The following ARHGAP6 variants were observed in gnomAD, a reference collection of about 807,000 sequenced individuals.
The protein encoded by ARHGAP6 is rho GTPase-activating protein 6.
Under a neutral mutation model 55.7 loss-of-function variants are expected in ARHGAP6, and 16 were observed. That is an observed-to-expected ratio of 0.29 (90% CI 0.19 to 0.44). ARHGAP6 has a LOEUF of 0.44. ARHGAP6 is among the 20% of genes least tolerant of loss of function. The pLI is 1.00. For synonymous variants in ARHGAP6, 382 were observed against 360.9 expected (o/e 1.06, Z -0.66); for missense variants, 698 against 808.9 (o/e 0.86, Z 1.66).
At chrX:11,281,741 G>A (rs1373714260) in intron 1 of ARHGAP6, among the ~76,000 whole-genome samples, 3 of 111,700 alleles carry the variant, frequency 2.7e-5, no homozygotes, top group Non-Finnish European at 5.6e-5. Context: ...ACTGGAGGAT[G>A]GGATTTGTGG....
At chrX:11,475,772 A>G (rs1184286209) in intron 1 of ARHGAP6, among the ~76,000 whole-genome samples, 1 of 109,086 alleles carries the variant, frequency 9.2e-6, no homozygotes, top group African/African-American at 3.3e-5. Context: ...TGCTCATGAA[A>G]AGACATCATT....
At chrX:11,233,184 G>C (rs1288970302) in intron 2 of ARHGAP6, among the ~76,000 whole-genome samples, 2 of 112,265 alleles carry the variant, frequency 1.8e-5, no homozygotes, top group Non-Finnish European at 3.8e-5. Flanking sequence ...TAATTAACCA[G>C]TTAAATCTCT....
intron 1 of ARHGAP6, among the ~76,000 whole-genome samples, chrX:11,643,188 T>G (rs2052493065): frequency 8.9e-6 from 1 of 111,992 alleles, no homozygotes; most frequent in African/African-American, 3.2e-5. Flanking sequence ...CAGAGCCTTG[T>G]CTTCCCTTCT....
chrX:11,319,850 GA>G lies in ARHGAP6; in HGVS notation c.589-65144del, dbSNP rs766875933. Among the ~76,000 whole-genome samples the G allele has an allele frequency of 1.2e-3, 140 of 112,290 alleles. 1 individual carries two copies. The highest frequency in any genetic ancestry group is 2.4e-3 in the Non-Finnish European group (126 of 53,243). On this transcript the variant is annotated intron_variant, in intron 1 of 12. Coordinates refer to ENST00000337414, the MANE Select transcript of ARHGAP6 (RefSeq NM_013427.3). Reference sequence around the variant, plus strand: ...AGATTTATTTTCCAAACAGTGAGATGAAACAGGGACAACTCAAAGGCAGCTT... The same window carrying G: ...AGATTTATTTTCCAAACAGTGAGATGAACAGGGACAACTCAAAGGCAGCTT...
At chrX:11,622,932 A>AT (rs2052247223) in intron 1 of ARHGAP6, among the ~76,000 whole-genome samples, 1 of 112,053 alleles carries the variant, frequency 8.9e-6, no homozygotes, top group Non-Finnish European at 1.9e-5. Flanking sequence ...CTTAATATTT[A>AT]TAAGTCAAAG....
At chrX:11,607,704 T>G (rs1212536910) in intron 1 of ARHGAP6, among the ~76,000 whole-genome samples, 1 of 112,562 alleles carries the variant, frequency 8.9e-6, no homozygotes, top group African/African-American at 3.2e-5. Flanking sequence ...TTGGCTTGGT[T>G]ACTGTTAAGT....
intron 1 of ARHGAP6, among the ~76,000 whole-genome samples, chrX:11,495,180 T>C (rs1276806184): frequency 8.9e-6 from 1 of 111,916 alleles, no homozygotes; most frequent in Non-Finnish European, 1.9e-5. Flanking sequence ...AATTCAGTTA[T>C]CATGTTAACA....
chrX:11,355,897 G>T (rs2048924772), intron 1 of ARHGAP6, among the ~76,000 whole-genome samples: 1 of 110,949 alleles, frequency 9.0e-6, no homozygotes, highest in Non-Finnish European at 1.9e-5. Flanking sequence ...CATGATAAAT[G>T]AATTCATACT....
Position 11,176,862 on chromosome X carries a change from CTA to C in ARHGAP6, c.1629+1236_1629+1237del, listed in dbSNP as rs1291495978. Among the ~76,000 whole-genome samples, 42 of 112,008 alleles carry C rather than the reference CTA, an allele frequency of 3.7e-4. No homozygotes were observed. In the Admixed American group the frequency reaches 3.9e-3, roughly 10 times the overall value. ...TCTGGGGCTTCACTAATTATAACTG[CTA>C]TAGAGATAAATGGCTAAGTCAGGAG... On this transcript the variant is annotated intron_variant, in intron 8 of 12. Coordinates refer to ENST00000337414, the MANE Select transcript of ARHGAP6 (RefSeq NM_013427.3).
Position 11,144,226 on chromosome X carries a change from C to T in ARHGAP6, c.1930G>A (p.Glu644Lys). 4.1e-6 allele frequency: 5 copies of T among 1,211,552 alleles called. No homozygotes were observed. The highest frequency in any genetic ancestry group is 5.6e-6 in the Non-Finnish European group (5 of 895,386). ...QSSSPDMLQS[E>K]VSFSVGGRHS... The stretch of plus-strand genomic sequence containing the variant: ...CTCCCTCCCACGGAAAAGGAAACTT[C>T]CGACTGCAGCATGTCAGGGCTTCTG... Residue 644 changes from glutamate to lysine, a missense_variant, in exon 11 of 13, where the codon GAA becomes AAA. Physicochemically the swap from Glu to Lys is moderately conservative, Grantham distance 56. This residue lies in a region of ARHGAP6 where 322 missense variants were observed against 451.1 expected (regional missense o/e 0.71). Coordinates refer to ENST00000337414, the MANE Select transcript of ARHGAP6 (RefSeq NM_013427.3).
intron 1 of ARHGAP6, among the ~76,000 whole-genome samples, chrX:11,492,581 C>T (rs1038921036): frequency 9.0e-6 from 1 of 111,265 alleles, no homozygotes; most frequent in Non-Finnish European, 1.9e-5. Flanking sequence ...AAGTTATACA[C>T]GATTCTCATA....
At chrX:11,220,408 A>G (rs1477167826) in intron 2 of ARHGAP6, among the ~76,000 whole-genome samples, 1 of 111,785 alleles carries the variant, frequency 8.9e-6, no homozygotes, top group African/African-American at 3.2e-5. Flanking sequence ...CTCAAAGGGA[A>G]GCCCATCAGA....
intron 10 of ARHGAP6, among the ~76,000 whole-genome samples, chrX:11,145,798 G>T (rs1470592604): frequency 2.7e-5 from 3 of 112,607 alleles, no homozygotes; most frequent in Non-Finnish European, 5.6e-5. Context: ...CCAAATGTGG[G>T]CTTCTTCTGA....
chrX:11,467,833 C>T (rs767714335), intron 1 of ARHGAP6, among the ~76,000 whole-genome samples: 23 of 109,778 alleles, frequency 2.1e-4, no homozygotes, highest in East Asian at 1.4e-3. Context: ...TACAAAAATT[C>T]GCCAGGCTTG....
At chrX:11,368,277 G>T (rs192180973) in intron 1 of ARHGAP6, among the ~76,000 whole-genome samples, 1 of 112,092 alleles carries the variant, frequency 8.9e-6, no homozygotes, top group Non-Finnish European at 1.9e-5. Context: ...TTTATTTTTC[G>T]GCATGGAAGA....
intron 1 of ARHGAP6, among the ~76,000 whole-genome samples, chrX:11,584,014 C>T (rs895556850): frequency 6.3e-5 from 7 of 111,567 alleles, no homozygotes; most frequent in African/African-American, 1.6e-4. Context: ...GCCTTAAATA[C>T]GGAAAAGGAC....
At chrX:11,179,511 C>A in intron 6 of ARHGAP6, 59 bp from the exon 7 acceptor site, 1 of 1,148,843 alleles carries the variant, frequency 8.7e-7, no homozygotes, top group Admixed American at 2.3e-5. Flanking sequence ...TGAGCAGTGC[C>A]CAGCAGGAGA....
chrX:11,179,690 T>A (rs746118788), intron 6 of ARHGAP6, among the ~76,000 whole-genome samples: 1 of 105,881 alleles, frequency 9.4e-6, no homozygotes, highest in South Asian at 4.1e-4. Flanking sequence ...CATGTATATA[T>A]GTATACATAT....
At chrX:11,391,217 A>G (rs2049400653) in intron 1 of ARHGAP6, among the ~76,000 whole-genome samples, 1 of 111,797 alleles carries the variant, frequency 8.9e-6, no homozygotes, top group Admixed American at 9.5e-5. Context: ...TGCAAGGACA[A>G]AAAACCAAAC....
Sources: allele counts gnomAD v4.1 joint callset (sites outside exome capture counted in the v4.1 genomes callset), GRCh38; gene constraint gnomAD v4.1.1; regional missense constraint gnomAD v4.1.1; transcripts MANE v1.5; gene names NCBI Gene and HGNC (gene_info 2026-07-23, HGNC 2026-07-21).